The following B3GALT5 variants were observed in gnomAD, a reference collection of about 807,000 sequenced individuals.
The protein encoded by B3GALT5 is UDP-Gal:betaGlcNAc beta 1,3-galactosyltransferase, polypeptide 5.
For missense variants in B3GALT5, 328 were observed against 396.6 expected (o/e 0.83, Z 1.47); for synonymous variants, 156 against 158.6 (o/e 0.98, Z 0.12).
rs554390309 is a variant in B3GALT5, at chr21:39,668,259, A to G, written c.*6767A>G. 2.0e-5 allele frequency: 3 copies of G among 152,354 alleles called. No individual in the cohort carries two copies. Among genetic ancestry groups the G allele is most frequent in the Admixed American group, 6.5e-5 (1 of 15,296 alleles). 9.4% of individuals were successfully genotyped at this position (152,354 alleles called of 1,614,324 possible). ...CCCAGGTTACAACTTGCTCAAGTAG[A>G]CCCAGGATCTAGGCTTATCCTAGTA... is the stretch of plus-strand genomic sequence containing the variant. On this transcript the variant is annotated 3_prime_UTR_variant, in exon 4 of 4. Coordinates refer to ENST00000684187, the MANE Select transcript of B3GALT5 (RefSeq NM_001356336.2).
At chr21:39,623,249 T>C (rs376467974) in intron 1 of B3GALT5, among the ~76,000 whole-genome samples, 12 of 116,894 alleles carry the variant, frequency 1.0e-4, no homozygotes, top group African/African-American at 3.9e-4. Flanking sequence ...CTCCCTTCCT[T>C]CCTTCCTTCC....
intron 2 of B3GALT5, among the ~76,000 whole-genome samples, chr21:39,647,497 C>G (rs987079010): frequency 6.6e-6 from 1 of 152,008 alleles, no homozygotes; most frequent in Non-Finnish European, 1.5e-5. Context: ...TGCCACCATG[C>G]CCGGGGAATT....
At chr21:39,643,957 GAA>G (rs2079314001) in intron 1 of B3GALT5, among the ~76,000 whole-genome samples, 1 of 152,192 alleles carries the variant, frequency 6.6e-6, no homozygotes, top group Non-Finnish European at 1.5e-5. Context: ...AATGACCAAA[GAA>G]AGTCTCAATC....
intron 1 of B3GALT5, among the ~76,000 whole-genome samples, chr21:39,641,431 T>C (rs1339116593): frequency 1.3e-5 from 2 of 152,226 alleles, no homozygotes; most frequent in Non-Finnish European, 2.9e-5. Flanking sequence ...CTAACTTTGT[T>C]TACTAGAATA....
intron 1 of B3GALT5, among the ~76,000 whole-genome samples, chr21:39,617,298 T>C (rs1489304686): frequency 1.3e-5 from 2 of 152,230 alleles, no homozygotes; most frequent in African/African-American, 4.8e-5. Context: ...GAGACATAGC[T>C]TGTATTACTC....
intron 1 of B3GALT5, among the ~76,000 whole-genome samples, chr21:39,621,731 A>G (rs1376373652): frequency 6.6e-6 from 1 of 152,122 alleles, no homozygotes; most frequent in Non-Finnish European, 1.5e-5. Context: ...ATGATTTAAC[A>G]TTTTAAAAAT....
rs138059716 is a variant in B3GALT5, at chr21:39,638,198, T to C, written c.-391-8194T>C. ...GAACCTAGGTGAGGACAGGCATTTTTGTTTTCCTGCCCAAATGTTGCATTT... is the reference window on the plus strand; with the variant it reads ...GAACCTAGGTGAGGACAGGCATTTTCGTTTTCCTGCCCAAATGTTGCATTT... On this transcript the variant is annotated intron_variant, in intron 1 of 3. Coordinates refer to ENST00000684187, the MANE Select transcript of B3GALT5 (RefSeq NM_001356336.2). Among the ~76,000 whole-genome samples the C allele has an allele frequency of 1.5e-3, 232 of 152,272 alleles. 1 individual carries two copies. The highest frequency in any genetic ancestry group is 4.8e-3 in the African/African-American group (199 of 41,548).
At chr21:39,639,352 TTCCTTCCTTCC>T (rs2079261186) in intron 1 of B3GALT5, among the ~76,000 whole-genome samples, 9 of 110,780 alleles carry the variant, frequency 8.1e-5, no homozygotes, top group Admixed American at 4.7e-4. Flanking sequence ...CTTTCTTTCC[TTCCTTCCTTCC>T]TTCCTTCCTT....
chr21:39,639,386 CCTTCCTTCTTTCTT>C lies in B3GALT5; in HGVS notation c.-391-7005_-391-6992del, dbSNP rs1460235729. Among the ~76,000 whole-genome samples, 34 of 124,398 alleles carry C rather than the reference CCTTCCTTCTTTCTT, an allele frequency of 2.7e-4. 1 individual carries two copies. In the East Asian group the frequency reaches 3.3e-3, roughly 12 times the overall value. 81.6% of individuals were successfully genotyped at this position (124,398 alleles called of 152,430 possible). A position where few individuals can be genotyped will look rare whatever the true frequency, so the allele number is the denominator to read the frequency against. On this transcript the variant is annotated intron_variant, in intron 1 of 3. Transcript: ENST00000684187. ...TCCTTCCTTCCTTCCTTCCTTCCTT[CCTTCCTTCTTTCTT>C]TTTCTTTCTTTCTTTCTTTCTTTCT...
At chr21:39,629,152 C>G (rs2079179207) in intron 1 of B3GALT5, among the ~76,000 whole-genome samples, 1 of 152,108 alleles carries the variant, frequency 6.6e-6, no homozygotes, top group South Asian at 2.1e-4. Context: ...GTAGCTGGGT[C>G]TACAGGCCCA....
Position 39,638,463 on chromosome 21 carries a change from C to T in B3GALT5, c.-391-7929C>T, listed in dbSNP as rs556743971. Among the ~76,000 whole-genome samples, 27 of 152,284 alleles carry T rather than the reference C, an allele frequency of 1.8e-4. No individual in the cohort carries two copies. In the South Asian group the frequency reaches 4.4e-3, roughly 25 times the overall value. On this transcript the variant is annotated intron_variant, in intron 1 of 3. Transcript: ENST00000684187. ...AGGGCAGTCGGGGGAGAGCCCAGGC[C>T]GTTGAGCAGCCTGACTCCAGGGGAA...
intron 1 of B3GALT5, among the ~76,000 whole-genome samples, chr21:39,643,273 C>T (rs982578847): frequency 1.3e-4 from 20 of 151,644 alleles, no homozygotes; most frequent in African/African-American, 3.4e-4. Context: ...AAAGCCTGGG[C>T]CGGGCACAGT....
intron 2 of B3GALT5, among the ~76,000 whole-genome samples, chr21:39,654,936 T>A (rs2079427974): frequency 6.6e-6 from 1 of 152,242 alleles, no homozygotes; most frequent in Non-Finnish European, 1.5e-5. Flanking sequence ...CACTGGGAGA[T>A]AAAAGTATTT....
Position 39,672,777 on chromosome 21 carries a change from T to C in B3GALT5, c.*11285T>C, listed in dbSNP as rs1602319622. ...TTGATTTTATATGTGTAGAAAAATGTACTGAACAATGTTGACATGCTTATT... is the reference window on the plus strand; with the variant it reads ...TTGATTTTATATGTGTAGAAAAATGCACTGAACAATGTTGACATGCTTATT... On this transcript the variant is annotated 3_prime_UTR_variant, in exon 4 of 4. Coordinates refer to ENST00000684187, the MANE Select transcript of B3GALT5 (RefSeq NM_001356336.2). 1.3e-5 allele frequency: 2 copies of C among 152,212 alleles called. No homozygotes were observed. The highest frequency in any genetic ancestry group is 4.8e-5 in the African/African-American group (2 of 41,444). 9.4% of individuals were successfully genotyped at this position (152,212 alleles called of 1,614,324 possible). A position where few individuals can be genotyped will look rare whatever the true frequency, so the allele number is the denominator to read the frequency against.
At chr21:39,650,046 C>T (rs995002735) in intron 2 of B3GALT5, among the ~76,000 whole-genome samples, 2 of 152,100 alleles carry the variant, frequency 1.3e-5, no homozygotes, top group Non-Finnish European at 2.9e-5. Flanking sequence ...AAAGATTTGT[C>T]GTCTTTGTCG....
Position 39,669,968 on chromosome 21 carries a change from G to T in B3GALT5, c.*8476G>T. 6.6e-6 allele frequency: 1 copy of T among 152,086 alleles called. No individual in the cohort carries two copies. The highest frequency in any genetic ancestry group is 1.5e-5 in the Non-Finnish European group (1 of 68,042). 9.4% of individuals were successfully genotyped at this position (152,086 alleles called of 1,614,324 possible). On this transcript the variant is annotated 3_prime_UTR_variant, in exon 4 of 4. Transcript: ENST00000684187. The stretch of plus-strand genomic sequence containing the variant: ...TATGAGTTTCAGTCTGCCCCTTCCT[G>T]GGCCTGTTTGACCTCCTGGGATTCG...
intron 1 of B3GALT5, among the ~76,000 whole-genome samples, chr21:39,626,753 C>A (rs1232921608): frequency 2.6e-5 from 4 of 152,094 alleles, no homozygotes; most frequent in African/African-American, 7.2e-5. Flanking sequence ...TGGAGAATGT[C>A]TATTCAAGTC....
intron 1 of B3GALT5, among the ~76,000 whole-genome samples, chr21:39,616,594 T>G (rs75935074): frequency 0.015 from 2,313 of 152,344 alleles, 28 homozygotes; most frequent in Non-Finnish European, 0.024. Context: ...GTCAAGCATA[T>G]TTAACAAGGG....
intron 1 of B3GALT5, among the ~76,000 whole-genome samples, chr21:39,638,028 G>A (rs2079241408): frequency 6.6e-6 from 1 of 152,088 alleles, no homozygotes; most frequent in Admixed American, 6.6e-5. Context: ...TTGCCACACC[G>A]GGCCATTTCT....
Sources: allele counts gnomAD v4.1 joint callset (sites outside exome capture counted in the v4.1 genomes callset), GRCh38; gene constraint gnomAD v4.1.1; transcripts MANE v1.5; gene names NCBI Gene and HGNC (gene_info 2026-07-23, HGNC 2026-07-21).